The following RSPRY1 variants were observed in gnomAD, a reference collection of about 807,000 sequenced individuals.
The protein encoded by RSPRY1 is ring finger and SPRY domain containing 1, also known as RING finger and SPRY domain-containing protein 1.
RSPRY1 carries 23 observed loss-of-function variants against 73.1 expected under a neutral mutation model. The observed-to-expected ratio is 0.31, with a 90% CI of 0.23 to 0.45. RSPRY1 has a LOEUF of 0.45. RSPRY1 is among the 20% of genes least tolerant of loss of function. RSPRY1 has a pLI of 1.00. For missense variants in RSPRY1, 448 were observed against 698.7 expected (o/e 0.64, Z 4.05); for synonymous variants, 226 against 251.4 (o/e 0.90, Z 0.95).
chr16:57,208,398 A>ATTT (rs1168128064), intron 3 of RSPRY1, among the ~76,000 whole-genome samples: 2 of 17,230 alleles, frequency 1.2e-4, no homozygotes, highest in South Asian at 2.8e-3. Context: ...ATATATATAT[A>ATTT]TATTTTTTTT....
chr16:57,200,792 GCC>G (rs57952896), intron 1 of RSPRY1, among the ~76,000 whole-genome samples: 4 of 115,584 alleles, frequency 3.5e-5, no homozygotes, highest in South Asian at 2.8e-4. Context: ...CTGGGGGCTG[GCC>G]CCCCCCACAT....
chr16:57,230,153 G>A (rs2075192428), intron 11 of RSPRY1, among the ~76,000 whole-genome samples: 2 of 151,680 alleles, frequency 1.3e-5, no homozygotes, highest in African/African-American at 4.8e-5. Flanking sequence ...TGGGATTACA[G>A]GTGCCCACCA....
chr16:57,203,002 T>A (rs1292790860), intron 1 of RSPRY1, among the ~76,000 whole-genome samples: 1 of 151,090 alleles, frequency 6.6e-6, no homozygotes, highest in Non-Finnish European at 1.5e-5. Flanking sequence ...TTGCCATGAA[T>A]CTGTCTAAAA....
chr16:57,230,409 C>CT (rs1370748040), intron 11 of RSPRY1, among the ~76,000 whole-genome samples: 1 of 152,170 alleles, frequency 6.6e-6, no homozygotes, highest in Admixed American at 6.5e-5. Context: ...ATTTTTTGAT[C>CT]TTACCATATT....
chr16:57,234,164 C>G (rs552339576), intron 13 of RSPRY1, among the ~76,000 whole-genome samples: 6 of 152,292 alleles, frequency 3.9e-5, no homozygotes, highest in Admixed American at 3.3e-4. Context: ...CCTTGCTGCT[C>G]CTGAAACACA....
At chr16:57,206,931 A>G (rs1290282322) in intron 2 of RSPRY1, among the ~76,000 whole-genome samples, 1 of 152,170 alleles carries the variant, frequency 6.6e-6, no homozygotes, top group Non-Finnish European at 1.5e-5. Flanking sequence ...TTTTCTCAAC[A>G]TCGAAATCTG....
chr16:57,221,184 A>G, intron 9 of RSPRY1, 88 bp from the exon 10 acceptor site: 1 of 1,506,850 alleles, frequency 6.6e-7, no homozygotes, highest in Non-Finnish European at 9.0e-7. Context: ...TTAATAAGGA[A>G]AAATACACTC....
At chr16:57,228,951 C>T (rs1344748608) in intron 11 of RSPRY1, among the ~76,000 whole-genome samples, 1 of 152,228 alleles carries the variant, frequency 6.6e-6, no homozygotes, top group Non-Finnish European at 1.5e-5. Flanking sequence ...CAACTCTGGC[C>T]TCCCAAAGTG....
At chr16:57,230,995 G>A (rs1447829340) in intron 12 of RSPRY1, among the ~76,000 whole-genome samples, 172 bp from the exon 13 acceptor site, 2 of 152,176 alleles carry the variant, frequency 1.3e-5, no homozygotes, top group Admixed American at 1.3e-4. Flanking sequence ...AGGAAGATAA[G>A]GCAGAATATT....
intron 2 of RSPRY1, chr16:57,207,664 CTCT>C: frequency 2.2e-6 from 1 of 459,450 alleles, no homozygotes; most frequent in Non-Finnish European, 4.4e-6. Context: ...ATTGTCGTCT[CTCT>C]TCCTGGCATT....
intron 3 of RSPRY1, among the ~76,000 whole-genome samples, chr16:57,208,529 AG>A (rs2074774777): frequency 6.6e-6 from 1 of 151,054 alleles, no homozygotes; most frequent in Non-Finnish European, 1.5e-5. Context: ...CTTCTCAAGT[AG>A]CTAGCACCAC....
chr16:57,193,801 C>T (rs1297754285), intron 1 of RSPRY1, among the ~76,000 whole-genome samples: 1 of 152,162 alleles, frequency 6.6e-6, no homozygotes, highest in African/African-American at 2.4e-5. Context: ...TGCGGTGGCT[C>T]ACGCCTGTAA....
At chr16:57,223,519 C>T (rs2075072961) in intron 10 of RSPRY1, among the ~76,000 whole-genome samples, 1 of 152,196 alleles carries the variant, frequency 6.6e-6, no homozygotes, top group Non-Finnish European at 1.5e-5. Context: ...GTGGCTCACA[C>T]CTGTAATCCC....
chr16:57,209,072 T>A lies in RSPRY1; in HGVS notation c.404-3T>A. On this transcript the variant is annotated splice_polypyrimidine_tract_variant and splice_region_variant and intron_variant, in intron 3 of 14. Coordinates refer to ENST00000394420, the MANE Select transcript of RSPRY1 (RefSeq NM_133368.3). Reference sequence around the variant, plus strand: ...TCATATAATCTTCTTGATTTGCTCTTAGATGAAGGATGGTTGGATGTTGTC... The same window carrying A: ...TCATATAATCTTCTTGATTTGCTCTAAGATGAAGGATGGTTGGATGTTGTC... 1 of 1,591,016 alleles carries A rather than the reference T, an allele frequency of 6.3e-7. No individual in the cohort carries two copies. Among genetic ancestry groups the A allele is most frequent in the South Asian group, 1.1e-5 (1 of 89,280 alleles).
At chr16:57,232,604 T>C (rs1371597899) in intron 13 of RSPRY1, among the ~76,000 whole-genome samples, 1 of 152,146 alleles carries the variant, frequency 6.6e-6, no homozygotes, top group African/African-American at 2.4e-5. Flanking sequence ...TTCTCACATA[T>C]ACCCTAAAAG....
Position 57,210,396 on chromosome 16 carries a change from A to T in RSPRY1, c.516+1209A>T, listed in dbSNP as rs577270059. On this transcript the variant is annotated intron_variant, in intron 4 of 14. Transcript: ENST00000394420. ...TGCCCAGCCTAGGTTAAAATTTTTT[A>T]AATGTTAAAAATAGAAGCATTTAAG... is the stretch of plus-strand genomic sequence containing the variant. Among the ~76,000 whole-genome samples the T allele has an allele frequency of 2.0e-5, 3 of 152,222 alleles. No homozygotes were observed. In the South Asian group the frequency reaches 6.2e-4, roughly 32 times the overall value.
chr16:57,210,915 G>A (rs1416073939), intron 4 of RSPRY1, among the ~76,000 whole-genome samples: 2 of 152,068 alleles, frequency 1.3e-5, no homozygotes, highest in African/African-American at 4.8e-5. Flanking sequence ...CTGCTCAGGA[G>A]GCTGAGGTGG....
Position 57,230,796 on chromosome 16 carries a change from A to G in RSPRY1, c.1359A>G (p.Gln453=), listed in dbSNP as rs140372775. The G allele has an allele frequency of 1.9e-5, 31 of 1,604,502 alleles. No homozygotes were observed. Among genetic ancestry groups the G allele is most frequent in the Admixed American group, 3.3e-5 (2 of 60,022 alleles). The change falls in exon 12 of 15, where the codon CAA becomes CAG. Residue 453 remains glutamine, a synonymous_variant. Transcript: ENST00000394420. Reference sequence around the variant, plus strand: ...GCAACCAGCTGCCTCCTGAAAAGCAAGTCTTTTCATCTACTGTGTAAGTAG... The same window carrying G: ...GCAACCAGCTGCCTCCTGAAAAGCAGGTCTTTTCATCTACTGTGTAAGTAG... ...LNGNQLPPEK[Q]VFSSTVSGFF...
chr16:57,238,783 A>G (rs956452596), intron 14 of RSPRY1, 96 bp from the exon 15 acceptor site: 3 of 612,132 alleles, frequency 4.9e-6, no homozygotes, highest in Non-Finnish European at 8.5e-6. Context: ...CCTTTCAATG[A>G]ACAAACTTGT....
Sources: gnomAD v4.1 joint callset for allele counts (sites outside exome capture counted in the v4.1 genomes callset) on GRCh38, gnomAD v4.1.1 for gene constraint, MANE v1.5 for transcripts, NCBI Gene and HGNC (gene_info 2026-07-23, HGNC 2026-07-21) for gene names.